The following ATP2B2 variants were observed in gnomAD, a reference collection of about 807,000 sequenced individuals.
ATP2B2 encodes plasma membrane calcium-transporting ATPase 2.
In ATP2B2, 15 loss-of-function variants were observed where a neutral mutation model predicts 120.0. The ratio of observed to expected loss-of-function variants is 0.12; its 90% confidence interval spans 0.08 to 0.19. The LOEUF (loss-of-function observed/expected upper bound fraction) is 0.19, where lower values mean the gene tolerates loss of function less well. Among genes scored for constraint, ATP2B2 ranks in the 10% least tolerant of loss-of-function variants. ATP2B2 has a pLI of 1.00. For missense variants in ATP2B2, 1,045 were observed against 1,719.8 expected (o/e 0.61, Z 6.94); for synonymous variants, 694 against 700.3 (o/e 0.99, Z 0.14).
intron 2 of ATP2B2, among the ~76,000 whole-genome samples, chr3:10,441,283 CTCACT>C (rs2063656145): frequency 1.3e-5 from 2 of 152,152 alleles, no homozygotes; most frequent in African/African-American, 4.8e-5. Context: ...GAGACAGAGT[CTCACT>C]CTGTCACCCA....
rs56252495 is a variant in ATP2B2, at chr3:10,372,237, G to T, written c.1417-186C>A. Among the ~76,000 whole-genome samples, 20,016 of 152,128 alleles carry T rather than the reference G, an allele frequency of 0.13. 1,640 individuals carry two copies. Among genetic ancestry groups the T allele is most frequent in the East Asian group, 0.27 (1,397 of 5,176 alleles). ...CTATACCTGGGCTTCTTTTGTCTGCGCGTGGCCCTTTCCTTTCTCTGTTAG... is the reference window on the plus strand; with the variant it reads ...CTATACCTGGGCTTCTTTTGTCTGCTCGTGGCCCTTTCCTTTCTCTGTTAG... On this transcript the variant is annotated intron_variant, in intron 11 of 22. Transcript: ENST00000360273.
chr3:10,550,255 C>T (rs1363421812), intron 2 of ATP2B2, among the ~76,000 whole-genome samples: 3 of 152,190 alleles, frequency 2.0e-5, no homozygotes, highest in African/African-American at 7.2e-5. Flanking sequence ...TTTTCTGAAA[C>T]CTAGAACGGA....
chr3:10,410,040 C>G (rs1019446822), intron 3 of ATP2B2, among the ~76,000 whole-genome samples: 1 of 152,192 alleles, frequency 6.6e-6, no homozygotes, highest in Non-Finnish European at 1.5e-5. Flanking sequence ...TGGGGCCTGA[C>G]AACGATGTTT....
At chr3:10,385,842 G>T (rs2061661988) in intron 7 of ATP2B2, among the ~76,000 whole-genome samples, 1 of 152,244 alleles carries the variant, frequency 6.6e-6, no homozygotes, top group African/African-American at 2.4e-5. Flanking sequence ...CTGGATTCAT[G>T]CCCTTGATTC....
At chr3:10,458,422 T>G (rs1216907276) in intron 1 of ATP2B2, among the ~76,000 whole-genome samples, 2 of 151,128 alleles carry the variant, frequency 1.3e-5, no homozygotes, top group Non-Finnish European at 2.9e-5. Context: ...GATCTTGGTG[T>G]GATGACTATG....
intron 1 of ATP2B2, among the ~76,000 whole-genome samples, chr3:10,451,439 C>T (rs1014531230): frequency 6.6e-6 from 1 of 152,194 alleles, no homozygotes; most frequent in African/African-American, 2.4e-5. Context: ...CTTCCTTACC[C>T]CTACCCCTGA....
intron 5 of ATP2B2, 148 bp from the exon 6 acceptor site, chr3:10,388,550 T>C (rs2061751363): frequency 2.5e-6 from 3 of 1,212,620 alleles, no homozygotes; most frequent in East Asian, 2.5e-5. Flanking sequence ...ACACTGTGTG[T>C]GTGGTGGGCT....
intron 2 of ATP2B2, among the ~76,000 whole-genome samples, chr3:10,434,714 A>G (rs1166149379): frequency 6.6e-6 from 1 of 152,258 alleles, no homozygotes; most frequent in African/African-American, 2.4e-5. Flanking sequence ...AAGTAGCTCC[A>G]GGGCTGACAG....
chr3:10,413,208 G>C (rs1413255422), intron 2 of ATP2B2, among the ~76,000 whole-genome samples: 1 of 152,228 alleles, frequency 6.6e-6, no homozygotes, highest in Non-Finnish European at 1.5e-5. Flanking sequence ...GGATGTCAGA[G>C]CTCAGTGGTT....
intron 1 of ATP2B2, among the ~76,000 whole-genome samples, chr3:10,456,021 A>G (rs73117802): frequency 0.023 from 3,496 of 152,322 alleles, 148 homozygotes; most frequent in African/African-American, 0.08. Context: ...TTACATTTCA[A>G]TGACTCAAGA....
At chr3:10,359,762 T>G in intron 13 of ATP2B2, 120 bp downstream of exon 13, 1 of 1,469,254 alleles carries the variant, frequency 6.8e-7, no homozygotes, top group South Asian at 1.2e-5. Context: ...AGACGGCCAC[T>G]CCAGCCGGGC....
intron 1 of ATP2B2, among the ~76,000 whole-genome samples, chr3:10,499,934 T>TTA (rs2066313754): frequency 7.0e-6 from 1 of 142,910 alleles, no homozygotes; most frequent in East Asian, 2.0e-4. Context: ...GCACATTCTT[T>TTA]TTTTTTTTTT....
rs75524935 is a variant in ATP2B2, at chr3:10,631,737, G to A, written c.-459-11776C>T. Reference sequence around the variant, plus strand: ...CTCCTCCCTTAGAAAGGAGGCCAGCGTCCCCTACATGCTAAGAAAGAAAGA... The same window carrying A: ...CTCCTCCCTTAGAAAGGAGGCCAGCATCCCCTACATGCTAAGAAAGAAAGA... On this transcript the variant is annotated intron_variant, in intron 1 of 21. Coordinates refer to the ATP2B2 transcript ENST00000646379. Among the ~76,000 whole-genome samples, 447 of 152,278 alleles carry A rather than the reference G, an allele frequency of 2.9e-3. 2 individuals are homozygous for A. The highest frequency in any genetic ancestry group is 9.9e-3 in the African/African-American group (412 of 41,546).
At chr3:10,472,021 G>C (rs12637358) in intron 1 of ATP2B2, among the ~76,000 whole-genome samples, 52,787 of 146,344 alleles carry the variant, frequency 0.36, 10,681 homozygotes, top group East Asian at 0.92. Flanking sequence ...GCGGAACTTG[G>C]AGTGAGCCGA....
Position 10,358,461 on chromosome 3 carries a change from A to G in ATP2B2, c.2136+230T>C, listed in dbSNP as rs775018. Among the ~76,000 whole-genome samples the G allele has an allele frequency of 0.6, 91,677 of 152,146 alleles. 28,529 individuals are homozygous for G. Among genetic ancestry groups the G allele is most frequent in the East Asian group, 0.99 (5,143 of 5,176 alleles). On this transcript the variant is annotated intron_variant, in intron 14 of 22. Transcript: ENST00000360273. ...AGGACTGCCCCCATGGCAGAGCAAT[A>G]CCTGCTGGCAACCTGTGGGTTCTGT...
Position 10,402,859 on chromosome 3 carries a change from G to GA in ATP2B2, c.398-512dup, listed in dbSNP as rs1047443144. On this transcript the variant is annotated intron_variant, in intron 3 of 22. Coordinates refer to ENST00000360273, the MANE Select transcript of ATP2B2 (RefSeq NM_001001331.4). This position sits in a 1 kb window ranked among gnomAD's most constrained non-coding sequence, Gnocchi z 4.9. The stretch of plus-strand genomic sequence containing the variant: ...GACAAGGCACAGAGGAGAGAAAAGA[G>GA]AATTTTCTCTAATTGATGAGAAAAG... 6.6e-6 allele frequency among the ~76,000 whole-genome samples: 1 copy of GA among 152,112 alleles called. No homozygotes were observed. Among genetic ancestry groups the GA allele is most frequent in the Non-Finnish European group, 1.5e-5 (1 of 68,028 alleles).
intron 1 of ATP2B2, among the ~76,000 whole-genome samples, chr3:10,488,510 C>T (rs1210475729): frequency 3.7e-5 from 1 of 27,260 alleles, no homozygotes; most frequent in Non-Finnish European, 8.1e-5. Flanking sequence ...TTCCTTCGTT[C>T]CTTCCTTCCT....
rs757879421 is a variant in ATP2B2, at chr3:10,360,043, C to T, written c.1740G>A (p.Leu580=). The change falls in exon 13 of 23, where the codon CTG becomes CTA. Residue 580 remains leucine, a synonymous_variant. Transcript: ENST00000360273. The part of the protein sequence containing the change: ...ECGLLGFVLD[L]KQDYEPVRSQ... ...TGCGCACGGGCTCGTAGTCCTGCTT[C>T]AGGTCCAGCACGAAGCCCAGCAGGC... The T allele has an allele frequency of 6.2e-7, 1 of 1,613,834 alleles. No individual in the cohort carries two copies. The highest frequency in any genetic ancestry group is 8.5e-7 in the Non-Finnish European group (1 of 1,179,724).
At chr3:10,603,618 G>T (rs904254575) in intron 2 of ATP2B2, among the ~76,000 whole-genome samples, 3 of 152,110 alleles carry the variant, frequency 2.0e-5, no homozygotes, top group Admixed American at 6.5e-5. Flanking sequence ...CTGGAAATGA[G>T]ATTTTACTGA....
Sources: gnomAD v4.1 joint callset for allele counts (sites outside exome capture counted in the v4.1 genomes callset) on GRCh38, gnomAD v4.1.1 for gene constraint, Gnocchi (gnomAD v3.1) non-coding constraint, MANE v1.5 for transcripts, NCBI Gene and HGNC (gene_info 2026-07-23, HGNC 2026-07-21) for gene names.